Variants in UNKL observed in about 807,000 individuals in gnomAD.
UNKL encodes the protein putative E3 ubiquitin-protein ligase UNKL.
In UNKL, 60 loss-of-function variants were observed where a neutral mutation model predicts 78.0. That is an observed-to-expected ratio of 0.77 (90% CI 0.63 to 0.95). The LOEUF (loss-of-function observed/expected upper bound fraction) is 0.95, where lower values mean the gene tolerates loss of function less well. Among genes scored for constraint, UNKL ranks in the 40% least tolerant of loss-of-function variants. The pLI is 0.00. For synonymous variants in UNKL, 608 were observed against 474.8 expected (o/e 1.28, Z -3.65); for missense variants, 1,159 against 1,045.7 (o/e 1.11, Z -1.49).
chr16:1,390,364 C>A (rs1035925127), intron 9 of UNKL, among the ~76,000 whole-genome samples: 1 of 152,220 alleles, frequency 6.6e-6, no homozygotes, highest in Non-Finnish European at 1.5e-5. Flanking sequence ...TCCAAAGGGC[C>A]CCTCTTATTT....
chr16:1,398,667 C>G (rs778257081), intron 5 of UNKL: 150 of 1,439,502 alleles, frequency 1.0e-4, no homozygotes, highest in Non-Finnish European at 1.3e-4. Flanking sequence ...ATCCAGACAC[C>G]CTGTGGGGTC....
At chr16:1,406,959 T>G (rs962702073) in intron 2 of UNKL, among the ~76,000 whole-genome samples, 1 of 151,552 alleles carries the variant, frequency 6.6e-6, no homozygotes, top group African/African-American at 2.4e-5. Flanking sequence ...GCCAACATGG[T>G]GAAACCCCAT....
intron 2 of UNKL, among the ~76,000 whole-genome samples, chr16:1,407,756 G>A (rs1013446306): frequency 5.9e-5 from 9 of 151,990 alleles, no homozygotes; most frequent in Non-Finnish European, 1.2e-4. Flanking sequence ...GGCACCACAG[G>A]AATGGGGCAA....
chr16:1,389,919 T>G (rs530387014), intron 9 of UNKL, among the ~76,000 whole-genome samples: 1 of 152,316 alleles, frequency 6.6e-6, no homozygotes, highest in East Asian at 1.9e-4. Context: ...TTCTCTTGCC[T>G]CAGCCTCCCA....
At chr16:1,379,726 A>T in intron 10 of UNKL, 1 of 902,614 alleles carries the variant, frequency 1.1e-6, no homozygotes, top group Non-Finnish European at 1.3e-6. Flanking sequence ...CCCGCCCCGC[A>T]ACGTGACTCG....
At chr16:1,375,185 C>A (rs2036124997) in intron 10 of UNKL, among the ~76,000 whole-genome samples, 1 of 152,194 alleles carries the variant, frequency 6.6e-6, no homozygotes, top group Non-Finnish European at 1.5e-5. Flanking sequence ...CAGCGGAGCA[C>A]AGGCAGAGGC....
At position 1,366,102 on chromosome 16, in the gene UNKL, C is replaced by G; in HGVS notation, c.*138G>C. On this transcript the variant is annotated 3_prime_UTR_variant, in exon 15 of 15. Coordinates refer to ENST00000389221, the MANE Select transcript of UNKL (RefSeq NM_001372107.1). ...CAAGCGCAGGCGGGGCTCCCAGCCT[C>G]ATGATAACGTGTAACAGGAAGGGCT... is the stretch of plus-strand genomic sequence containing the variant. 1 of 1,088,620 alleles carries G rather than the reference C, an allele frequency of 9.2e-7. No individual in the cohort carries two copies. Among genetic ancestry groups the G allele is most frequent in the Non-Finnish European group, 1.2e-6 (1 of 813,716 alleles). 67.4% of individuals were successfully genotyped at this position (1,088,620 alleles called of 1,614,324 possible).
intron 14 of UNKL, among the ~76,000 whole-genome samples, chr16:1,366,872 G>T (rs1489777092): frequency 1.3e-5 from 2 of 152,222 alleles, no homozygotes; most frequent in Non-Finnish European, 2.9e-5. Flanking sequence ...GGGTGAAAGG[G>T]CAAGGGCCAG....
At chr16:1,391,195 A>T (rs917293357) in intron 8 of UNKL, among the ~76,000 whole-genome samples, 2 of 130,364 alleles carry the variant, frequency 1.5e-5, no homozygotes, top group African/African-American at 5.8e-5. Flanking sequence ...ACACACACAC[A>T]ATATATATGT....
At chr16:1,410,669 G>C (rs971095549) in intron 2 of UNKL, among the ~76,000 whole-genome samples, 1 of 152,194 alleles carries the variant, frequency 6.6e-6, no homozygotes, top group Non-Finnish European at 1.5e-5. Flanking sequence ...CACACTTCCA[G>C]GACCCCCACA....
chr16:1,392,048 G>C (rs2037072242), intron 8 of UNKL, among the ~76,000 whole-genome samples: 1 of 152,158 alleles, frequency 6.6e-6, no homozygotes, highest in Non-Finnish European at 1.5e-5. Context: ...CCGTGTGAAG[G>C]CAGGGTGCCA....
intron 5 of UNKL, chr16:1,398,561 C>T: frequency 7.2e-7 from 1 of 1,383,010 alleles, no homozygotes; most frequent in Non-Finnish European, 9.4e-7. Flanking sequence ...TGCGAGGCAG[C>T]ACCAGGTCAT....
chr16:1,396,703 C>T (rs1407061509), intron 6 of UNKL, among the ~76,000 whole-genome samples: 1 of 152,272 alleles, frequency 6.6e-6, no homozygotes, highest in African/African-American at 2.4e-5. Flanking sequence ...ACGCCATTCT[C>T]CTGCCTCAGC....
Position 1,392,928 on chromosome 16 carries a change from G to A in UNKL, c.986C>T (p.Thr329Met), listed in dbSNP as rs769836132. 1.7e-5 allele frequency: 27 copies of A among 1,550,462 alleles called. No homozygotes were observed. The highest frequency in any genetic ancestry group is 3.3e-4 in the Middle Eastern group (2 of 6,014). ...NEWGCHDLHL[T>M]SPSSTGSGQP... ...GCCGCTGCCCGTGGAGGAAGGACTCGTGAGGTGGAGGTCGTGACAGCCCCA... is the reference window on the plus strand; with the variant it reads ...GCCGCTGCCCGTGGAGGAAGGACTCATGAGGTGGAGGTCGTGACAGCCCCA... The change falls in exon 8 of 15, where the codon ACG becomes ATG. Residue 329 changes from threonine to methionine, a missense_variant. Thr to Met is a moderately conservative substitution (Grantham distance 81). Coordinates refer to ENST00000389221, the MANE Select transcript of UNKL (RefSeq NM_001372107.1).
chr16:1,382,178 A>C (rs2036628387), intron 10 of UNKL, among the ~76,000 whole-genome samples: 1 of 152,032 alleles, frequency 6.6e-6, no homozygotes, highest in Non-Finnish European at 1.5e-5. Flanking sequence ...AGCACACAGC[A>C]CTCCCACCCA....
intron 9 of UNKL, among the ~76,000 whole-genome samples, chr16:1,386,680 A>G (rs1483836510): frequency 6.6e-6 from 1 of 152,174 alleles, no homozygotes; most frequent in Non-Finnish European, 1.5e-5. Context: ...CCTTAAGTAA[A>G]ACTGTCCATA....
At chr16:1,388,798 A>G (rs891853031) in intron 9 of UNKL, among the ~76,000 whole-genome samples, 2 of 151,896 alleles carry the variant, frequency 1.3e-5, no homozygotes, top group Non-Finnish European at 2.9e-5. Flanking sequence ...CACCATGAGG[A>G]CACCGCACCT....
At chr16:1,395,686 T>A (rs2037228981) in intron 6 of UNKL, 1 of 456,504 alleles carries the variant, frequency 2.2e-6, no homozygotes, top group Middle Eastern at 3.3e-4. Context: ...CCCTCAGGAT[T>A]TATGGTGCGG....
chr16:1,386,415 G>T (rs899482076), intron 9 of UNKL, among the ~76,000 whole-genome samples: 29 of 152,082 alleles, frequency 1.9e-4, no homozygotes, highest in African/African-American at 6.8e-4. Flanking sequence ...TTAGCCGGGC[G>T]TGGTGGTGGG....
Sources: allele counts gnomAD v4.1 joint callset (sites outside exome capture counted in the v4.1 genomes callset), GRCh38; gene constraint gnomAD v4.1.1; transcripts MANE v1.5; gene names NCBI Gene and HGNC (gene_info 2026-07-23, HGNC 2026-07-21).